Variants in IQUB observed in about 807,000 individuals in gnomAD.
The protein encoded by IQUB is IQ motif and ubiquitin-like domain-containing protein.
A neutral mutation model predicts 86.4 loss-of-function variants in IQUB; 86 were observed. The ratio of observed to expected loss-of-function variants is 1.00; its 90% CI spans 0.84 to 1.19. The LOEUF (loss-of-function observed/expected upper bound fraction) is 1.19, where lower values mean the gene tolerates loss of function less well. Among genes scored for constraint, IQUB ranks in the 50% most tolerant of loss-of-function variants. The probability of loss-of-function intolerance (pLI) is 0.00; values close to 1 mark genes in which losing one functional copy is unlikely to be tolerated. For synonymous variants in IQUB, 289 were observed against 304.5 expected (o/e 0.95, Z 0.53); for missense variants, 946 against 916.9 (o/e 1.03, Z -0.41).
intron 1 of IQUB, among the ~76,000 whole-genome samples, chr7:123,531,407 A>G (rs1171639417): frequency 6.6e-6 from 1 of 152,194 alleles, no homozygotes; most frequent in Non-Finnish European, 1.5e-5. Flanking sequence ...AACACGACAC[A>G]TAAATCATTG....
intron 7 of IQUB, among the ~76,000 whole-genome samples, chr7:123,481,904 G>A (rs1795024083): frequency 6.6e-6 from 1 of 151,980 alleles, no homozygotes; most frequent in South Asian, 2.1e-4. Flanking sequence ...AATATGAAAT[G>A]ATTATACAGA....
chr7:123,485,624 G>A (rs751961813), intron 7 of IQUB, among the ~76,000 whole-genome samples: 4 of 152,088 alleles, frequency 2.6e-5, no homozygotes, highest in Non-Finnish European at 4.4e-5. Context: ...AAAATGAAAG[G>A]AGAATAGGAC....
At chr7:123,495,600 G>A (rs1487373242) in intron 7 of IQUB, among the ~76,000 whole-genome samples, 1 of 152,076 alleles carries the variant, frequency 6.6e-6, no homozygotes, top group Non-Finnish European at 1.5e-5. Flanking sequence ...AAAGCCAATT[G>A]AGGCTATTTC....
intron 2 of IQUB, 116 bp downstream of exon 2, chr7:123,511,822 TAAGGGA>T: frequency 1.5e-6 from 1 of 681,816 alleles, no homozygotes; most frequent in Admixed American, 3.3e-5. Flanking sequence ...GTTTGGTGGA[TAAGGGA>T]AAGGGAAAGG....
At chr7:123,467,674 C>T (rs1002905300) in intron 9 of IQUB, among the ~76,000 whole-genome samples, 4 of 152,190 alleles carry the variant, frequency 2.6e-5, no homozygotes, top group African/African-American at 9.7e-5. Flanking sequence ...ATAGTTGGCA[C>T]AGCCTCACTA....
At chr7:123,479,653 A>G in intron 8 of IQUB, 142 bp downstream of exon 8, 1 of 647,730 alleles carries the variant, frequency 1.5e-6, no homozygotes, top group Non-Finnish European at 2.5e-6. Flanking sequence ...AAAAAAATAA[A>G]TCAAATTTTA....
intron 8 of IQUB, among the ~76,000 whole-genome samples, chr7:123,479,341 G>GA (rs1211266754): frequency 6.6e-6 from 1 of 151,944 alleles, no homozygotes; most frequent in Non-Finnish European, 1.5e-5. Flanking sequence ...TCAGAAATTT[G>GA]AAGTCAGTTA....
rs756615073 is a variant in IQUB at position 123,511,997 on chromosome 7, A to T, written c.344T>A (p.Ile115Lys). 18 of 1,612,444 alleles carry T rather than the reference A, an allele frequency of 1.1e-5. No individual in the cohort carries two copies. The highest frequency in any genetic ancestry group is 3.4e-6 in the Non-Finnish European group (4 of 1,178,788). The part of the protein sequence containing the change: ...NDDSLAFLDK[I>K]KSVKESLQES... ...TTGCAAAGATTCCTTTACAGACTTT[A>T]TTTTATCCAGAAATGCCAAACTATC... Residue 115 changes from isoleucine to lysine, a missense_variant, in exon 2 of 13, where the codon ATA becomes AAA. Physicochemically the swap from Ile to Lys is moderately radical, Grantham distance 102. Transcript: ENST00000324698.
At chr7:123,515,234 T>C (rs1796590673) in intron 1 of IQUB, among the ~76,000 whole-genome samples, 1 of 152,096 alleles carries the variant, frequency 6.6e-6, no homozygotes, top group Non-Finnish European at 1.5e-5. Context: ...AGCAACATAT[T>C]AGCCAACACC....
intron 7 of IQUB, among the ~76,000 whole-genome samples, chr7:123,487,434 T>C (rs1050234393): frequency 3.9e-5 from 6 of 152,312 alleles, no homozygotes; most frequent in East Asian, 3.9e-4. Flanking sequence ...ATAGGACAAT[T>C]GGAACTCTGT....
At chr7:123,500,143 C>A (rs1157259333) in intron 6 of IQUB, among the ~76,000 whole-genome samples, 1 of 152,190 alleles carries the variant, frequency 6.6e-6, no homozygotes, top group Admixed American at 6.5e-5. Flanking sequence ...GCAACCAGCA[C>A]CAGGCAACCC....
intron 12 of IQUB, among the ~76,000 whole-genome samples, chr7:123,455,521 C>T (rs1023174013): frequency 6.6e-5 from 10 of 151,986 alleles, no homozygotes; most frequent in African/African-American, 1.9e-4. Context: ...TAAGTTTATT[C>T]ATGCCAAAAA....
chr7:123,492,194 A>G lies in IQUB; in HGVS notation c.1234+4502T>C, dbSNP rs28458220. 6.0e-3 allele frequency among the ~76,000 whole-genome samples: 912 copies of G among 152,318 alleles called. 8 individuals carry two copies. The highest frequency in any genetic ancestry group is 0.02 in the African/African-American group (844 of 41,570). On this transcript the variant is annotated intron_variant, in intron 7 of 12. Transcript: ENST00000324698. ...TAAAAAATAAATTTCTGTTATTTAT[A>G]TATATGGCATTTTGTTATAGTAGCC...
intron 1 of IQUB, among the ~76,000 whole-genome samples, chr7:123,520,750 GTAGTAACCTTGA>G (rs1449835854): frequency 1.3e-5 from 2 of 152,122 alleles, no homozygotes; most frequent in African/African-American, 2.4e-5. Flanking sequence ...GGAATCTATT[GTAGTAACCTTGA>G]CATGAGGTGA....
intron 7 of IQUB, among the ~76,000 whole-genome samples, chr7:123,481,592 A>C (rs1795004596): frequency 1.3e-5 from 2 of 152,128 alleles, no homozygotes. Flanking sequence ...GACTGTCAAA[A>C]AGGCACACAA....
rs1795169463 is a variant in IQUB at position 123,485,219 on chromosome 7, T to C, written c.1235-5249A>G. Among the ~76,000 whole-genome samples the C allele has an allele frequency of 2.6e-5, 4 of 152,178 alleles. No individual in the cohort carries two copies. The South Asian group carries it at 8.3e-4, about 32-fold the overall frequency. ...AAGACTAATATGTCAACAGGCTTGG[T>C]TTCTTCTGAGGGCTTCTCAGCTTGG... On this transcript the variant is annotated intron_variant, in intron 7 of 12. Transcript: ENST00000324698.
rs1403074547 is a variant in IQUB at position 123,529,745 on chromosome 7, A to AAAAAAAAAAT, written c.-5+4746_-5+4747insATTTTTTTTT. ...TACTTAAAAAAAAAAAAAAAAAAAA[A>AAAAAAAAAAT]AAAAAACAGGCTAGGTGCGGTGGCT... On this transcript the variant is annotated intron_variant, in intron 1 of 12. Transcript: ENST00000324698. Among the ~76,000 whole-genome samples, 3 of 147,144 alleles carry AAAAAAAAAAT rather than the reference A, an allele frequency of 2.0e-5. No individual in the cohort carries two copies. The East Asian group carries it at 5.9e-4, about 29-fold the overall frequency.
intron 6 of IQUB, among the ~76,000 whole-genome samples, chr7:123,497,259 A>G (rs148081079): frequency 0.02 from 3,037 of 152,246 alleles, 106 homozygotes; most frequent in African/African-American, 0.069. Flanking sequence ...CATGTGTAAA[A>G]CAGTGATAAT....
At chr7:123,480,132 G>C in intron 7 of IQUB, among the ~76,000 whole-genome samples, 162 bp from the exon 8 acceptor site, 1 of 152,068 alleles carries the variant, frequency 6.6e-6, no homozygotes, top group East Asian at 1.9e-4. Flanking sequence ...GTGACGAAAT[G>C]GAAGCAGAGA....
Sources: gnomAD v4.1 joint callset for allele counts (sites outside exome capture counted in the v4.1 genomes callset) on GRCh38, gnomAD v4.1.1 for gene constraint, MANE v1.5 for transcripts, NCBI Gene and HGNC (gene_info 2026-07-23, HGNC 2026-07-21) for gene names.